The following HDAC8 variants were observed in gnomAD, a reference collection of about 807,000 sequenced individuals.
HDAC8 encodes histone deacetylase 8, also known as histone deacetylase-like 1.
Under a neutral mutation model 32.2 loss-of-function variants are expected in HDAC8, and 1 was observed. That is an observed-to-expected ratio of 0.03 (90% CI 0.01 to 0.15). The LOEUF (loss-of-function observed/expected upper bound fraction) is 0.15, where lower values mean the gene tolerates loss of function less well. HDAC8 is among the 10% of genes least tolerant of loss of function. HDAC8 has a pLI of 1.00. For missense variants in HDAC8, 117 were observed against 300.0 expected, an observed-to-expected ratio of 0.39 and a Z score of 4.51; for synonymous variants, 108 against 113.9, an observed-to-expected ratio of 0.95 and a Z score of 0.33.
At chrX:72,545,853 GT>G (rs1556052980) in intron 4 of HDAC8, among the ~76,000 whole-genome samples, 1 of 112,005 alleles carries the variant, frequency 8.9e-6, no homozygotes, top group East Asian at 2.8e-4. Flanking sequence ...GTAAGGAGGG[GT>G]TTCCCTTGGT....
chrX:72,475,453 T>C (rs1018122759), intron 7 of HDAC8, among the ~76,000 whole-genome samples: 3 of 111,921 alleles, frequency 2.7e-5, no homozygotes, highest in African/African-American at 9.7e-5. Context: ...TCCATAGGTA[T>C]GTTTTCTCTA....
intron 4 of HDAC8, among the ~76,000 whole-genome samples, chrX:72,565,103 A>C (rs1556130733): frequency 8.9e-6 from 1 of 112,184 alleles, no homozygotes; most frequent in East Asian, 2.8e-4. Context: ...GAAATAAAGA[A>C]TCTTTTTCAA....
chrX:72,543,676 T>C (rs2050777302), intron 4 of HDAC8, among the ~76,000 whole-genome samples: 1 of 112,553 alleles, frequency 8.9e-6, no homozygotes, highest in African/African-American at 3.2e-5. Context: ...TGAAGAGTTA[T>C]CAAAATGTGC....
rs782155840 is a variant in HDAC8, at chrX:72,402,088, T to C, written c.1006-50250A>G. 7.2e-5 allele frequency among the ~76,000 whole-genome samples: 8 copies of C among 111,826 alleles called. No individual in the cohort carries two copies. The East Asian group carries it at 2.2e-3, about 31-fold the overall frequency. ...TCTTCTTGAGTCTTAAGTTTTGGTA[T>C]TTAGTGTGTTTCTAGGTATTTGTCC... On this transcript the variant is annotated intron_variant, in intron 9 of 10. Transcript: ENST00000373573.
rs139189167 is a variant in HDAC8 at position 72,562,430 on chromosome X, A to G, written c.437+5459T>C. Among the ~76,000 whole-genome samples the G allele has an allele frequency of 3.2e-3, 357 of 112,276 alleles. 1 individual carries two copies. The highest frequency in any genetic ancestry group is 0.011 in the African/African-American group (344 of 30,955). On this transcript the variant is annotated intron_variant, in intron 4 of 10. Transcript: ENST00000373573. The stretch of plus-strand genomic sequence containing the variant: ...TTATTCTAAGTGAAGTAACTCAGGA[A>G]TGGAAAACCAAACGTCGTATGTTCT...
chrX:72,549,124 G>A (rs1284204185), intron 4 of HDAC8, among the ~76,000 whole-genome samples: 1 of 111,452 alleles, frequency 9.0e-6, no homozygotes, highest in Non-Finnish European at 1.9e-5. Flanking sequence ...AGATGCATGC[G>A]CTACAGTATC....
chrX:72,555,594 A>C (rs2051256201), intron 4 of HDAC8, among the ~76,000 whole-genome samples: 1 of 112,485 alleles, frequency 8.9e-6, no homozygotes, highest in Non-Finnish European at 1.9e-5. Flanking sequence ...ACACACTTAG[A>C]GAAATGCAAA....
intron 5 of HDAC8, among the ~76,000 whole-genome samples, chrX:72,492,408 A>G (rs1186967563): frequency 3.6e-5 from 4 of 111,742 alleles, no homozygotes; most frequent in African/African-American, 1.3e-4. Flanking sequence ...CATATTTAAA[A>G]AGGAGATGTA....
chrX:72,481,066 A>T (rs1339719832), intron 7 of HDAC8, among the ~76,000 whole-genome samples: 1 of 103,375 alleles, frequency 9.7e-6, no homozygotes, highest in Non-Finnish European at 2.0e-5. Flanking sequence ...AACTTAAAGT[A>T]AAAAAAAAAA....
At chrX:72,491,954 A>G (rs1374292858) in intron 5 of HDAC8, among the ~76,000 whole-genome samples, 3 of 111,863 alleles carry the variant, frequency 2.7e-5, no homozygotes, top group Non-Finnish European at 5.6e-5. Context: ...AGTCTTCACT[A>G]CAGCCCCAAC....
chrX:72,368,714 C>T (rs2147790624), intron 9 of HDAC8, among the ~76,000 whole-genome samples: 1 of 112,496 alleles, frequency 8.9e-6, no homozygotes, highest in South Asian at 3.7e-4. Flanking sequence ...ACATGCTGTC[C>T]TTCCCCATTG....
Position 72,340,470 on chromosome X carries a change from C to T in HDAC8, c.1112-10394G>A, listed in dbSNP as rs782714385. Among the ~76,000 whole-genome samples the T allele has an allele frequency of 1.8e-3, 204 of 111,886 alleles. 2 individuals are homozygous for T. Among genetic ancestry groups the T allele is most frequent in the Non-Finnish European group, 2.0e-3 (104 of 53,128 alleles). ...TGTATAATGCTTTAGAGTTTGAAAGCTATTTGCTCTATTTTGCCCCACCCA... is the reference window on the plus strand; with the variant it reads ...TGTATAATGCTTTAGAGTTTGAAAGTTATTTGCTCTATTTTGCCCCACCCA... On this transcript the variant is annotated intron_variant, in intron 10 of 10. Transcript: ENST00000373573.
intron 7 of HDAC8, chrX:72,467,476 T>A (rs2048052115): frequency 8.9e-6 from 1 of 112,151 alleles, no homozygotes; most frequent in African/African-American, 3.3e-5. Context: ...CAGAGATGAT[T>A]GTGGGGTTAC....
chrX:72,492,099 T>A (rs1848348666), intron 5 of HDAC8, among the ~76,000 whole-genome samples: 1 of 111,530 alleles, frequency 9.0e-6, no homozygotes, highest in Non-Finnish European at 1.9e-5. Context: ...GTAAAAAAAA[T>A]AAAACAAACA....
chrX:72,409,249 C>A (rs2046128736), intron 9 of HDAC8, among the ~76,000 whole-genome samples: 2 of 112,217 alleles, frequency 1.8e-5, no homozygotes, highest in Non-Finnish European at 3.8e-5. Flanking sequence ...GACAGTTTTA[C>A]TTTATAGATG....
chrX:72,373,290 A>G (rs1203129894), intron 9 of HDAC8, among the ~76,000 whole-genome samples: 36 of 112,008 alleles, frequency 3.2e-4, no homozygotes, highest in African/African-American at 1.2e-3. Flanking sequence ...CACAAGTAGC[A>G]TATTTACAAA....
intron 10 of HDAC8, among the ~76,000 whole-genome samples, chrX:72,335,974 A>G (rs1555942372): frequency 9.0e-6 from 1 of 110,909 alleles, no homozygotes; most frequent in Admixed American, 9.6e-5. Flanking sequence ...ACAACAAAAA[A>G]GACCCCCAAA....
intron 9 of HDAC8, among the ~76,000 whole-genome samples, chrX:72,407,670 A>G (rs1184138250): frequency 8.9e-6 from 1 of 111,888 alleles, no homozygotes; most frequent in East Asian, 2.8e-4. Flanking sequence ...AAGGAATGCA[A>G]GAGTCCTCTA....
chrX:72,498,384 T>A (rs1383751284), intron 4 of HDAC8, among the ~76,000 whole-genome samples: 3 of 111,607 alleles, frequency 2.7e-5, no homozygotes, highest in African/African-American at 9.8e-5. Context: ...TTTCTACAGA[T>A]TCATTAGTGC....
Sources: gnomAD v4.1 joint callset for allele counts (sites outside exome capture counted in the v4.1 genomes callset) on GRCh38, gnomAD v4.1.1 for gene constraint, MANE v1.5 for transcripts, NCBI Gene and HGNC (gene_info 2026-07-23, HGNC 2026-07-21) for gene names.